Variants in WDTC1 observed in about 807,000 individuals in gnomAD.
The protein encoded by WDTC1 is WD and tetratricopeptide repeats protein 1.
Under a neutral mutation model 76.0 loss-of-function variants are expected in WDTC1, and 12 were observed. That is an observed-to-expected ratio of 0.16 (90% CI 0.10 to 0.26). WDTC1 has a LOEUF of 0.26. Among genes scored for constraint, WDTC1 ranks in the 10% least tolerant of loss-of-function variants. The pLI is 1.00. For missense variants in WDTC1, 511 were observed against 908.8 expected (o/e 0.56, Z 5.63); for synonymous variants, 326 against 350.8 (o/e 0.93, Z 0.79).
At chr1:27,284,828 T>C (rs1489045687) in intron 5 of WDTC1, among the ~76,000 whole-genome samples, 4 of 151,322 alleles carry the variant, frequency 2.6e-5, no homozygotes, top group Non-Finnish European at 2.9e-5. Context: ...ACACTGCAGA[T>C]GTATATGTAT....
At chr1:27,242,182 G>A (rs1016257179) in intron 1 of WDTC1, among the ~76,000 whole-genome samples, 56 of 152,158 alleles carry the variant, frequency 3.7e-4, no homozygotes, top group Admixed American at 2.2e-3. Context: ...ATGAGCCACC[G>A]TGCCTGGCCA....
intron 11 of WDTC1, among the ~76,000 whole-genome samples, 166 bp from the exon 12 acceptor site, chr1:27,297,772 G>A (rs1039687057): frequency 6.6e-5 from 10 of 152,178 alleles, no homozygotes; most frequent in Admixed American, 3.9e-4. Context: ...CCCTATCACA[G>A]TAATAGGTAA....
At chr1:27,251,918 G>A (rs1341781950) in intron 1 of WDTC1, among the ~76,000 whole-genome samples, 1 of 151,896 alleles carries the variant, frequency 6.6e-6, no homozygotes, top group Non-Finnish European at 1.5e-5. Flanking sequence ...GCATGGTGGG[G>A]GCATCTGTAA....
intron 3 of WDTC1, among the ~76,000 whole-genome samples, chr1:27,267,184 T>C (rs1037561448): frequency 2.0e-5 from 3 of 152,176 alleles, no homozygotes; most frequent in Admixed American, 6.6e-5. Flanking sequence ...TTCCTGTATG[T>C]TGATAGAATT....
intron 1 of WDTC1, among the ~76,000 whole-genome samples, chr1:27,257,620 A>G (rs770608943): frequency 1.4e-4 from 22 of 151,924 alleles, no homozygotes; most frequent in Admixed American, 3.3e-4. Flanking sequence ...ATGGCCAAAG[A>G]CTCCTGCAAA....
chr1:27,297,247 C>A, intron 11 of WDTC1, 91 bp downstream of exon 11: 3 of 1,164,184 alleles, frequency 2.6e-6, no homozygotes, highest in South Asian at 1.4e-5. Flanking sequence ...TTCCTCCTGA[C>A]CCACACCCAC....
Position 27,306,094 on chromosome 1 carries a change from G to A in WDTC1, c.1837-92G>A. The A allele has an allele frequency of 7.1e-7, 1 of 1,409,166 alleles. No individual in the cohort carries two copies. The highest frequency in any genetic ancestry group is 9.9e-7 in the Non-Finnish European group (1 of 1,014,002). The allele number at this position is 1,409,166 out of a possible 1,614,324, so 87.3% of individuals were successfully genotyped here. On this transcript the variant is annotated intron_variant, in intron 15 of 15. Coordinates refer to ENST00000319394, the MANE Select transcript of WDTC1 (RefSeq NM_001276252.2). The surrounding 1 kb of genome is among the most constrained non-coding windows in gnomAD (Gnocchi z 5.0). The stretch of plus-strand genomic sequence containing the variant: ...TGTACCTCCCCCTATAGATAGTTTA[G>A]TCTGTGTATTTCCCTCCCCCTCCCC...
At chr1:27,291,738 A>G (rs550936119) in intron 6 of WDTC1, among the ~76,000 whole-genome samples, 1 of 152,274 alleles carries the variant, frequency 6.6e-6, no homozygotes, top group Admixed American at 6.5e-5. Context: ...AAGAAACTAG[A>G]TTAGGTAGGA....
At chr1:27,293,365 G>A (rs1356773712) in intron 7 of WDTC1, among the ~76,000 whole-genome samples, 3 of 149,566 alleles carry the variant, frequency 2.0e-5, no homozygotes, top group Non-Finnish European at 4.4e-5. Context: ...CTGGGAGGCG[G>A]AGCTTGCAGT....
At chr1:27,275,177 C>G (rs1055970715) in intron 3 of WDTC1, among the ~76,000 whole-genome samples, 2 of 152,092 alleles carry the variant, frequency 1.3e-5, no homozygotes, top group East Asian at 1.9e-4. Context: ...GGCCTGCTTG[C>G]TTTTTCCATT....
chr1:27,276,687 C>A lies in WDTC1; in HGVS notation c.133-5552C>A, dbSNP rs561126894. On this transcript the variant is annotated intron_variant, in intron 3 of 15. Transcript: ENST00000319394. ...CAGCCTGGGTGACAGAGCAAGACTT[C>A]GTCTCGAAAAAAAAAAAGAAAAGAA... is the stretch of plus-strand genomic sequence containing the variant. 2.0e-5 allele frequency among the ~76,000 whole-genome samples: 3 copies of A among 147,586 alleles called. No homozygotes were observed. In the Admixed American group the frequency reaches 2.0e-4, roughly 10 times the overall value.
chr1:27,265,924 G>A (rs2012649537), intron 3 of WDTC1, among the ~76,000 whole-genome samples: 1 of 151,958 alleles, frequency 6.6e-6, no homozygotes, highest in African/African-American at 2.4e-5. Flanking sequence ...TCTAGGCCTG[G>A]GCAACAAGCA....
intron 7 of WDTC1, 43 bp from the exon 8 acceptor site, chr1:27,293,979 G>T: frequency 6.3e-7 from 1 of 1,583,690 alleles, no homozygotes; most frequent in East Asian, 2.2e-5. Flanking sequence ...CTAGCCAGGG[G>T]CAGTGCTGTA....
At chr1:27,259,887 A>C (rs2012419816) in intron 1 of WDTC1, among the ~76,000 whole-genome samples, 1 of 151,664 alleles carries the variant, frequency 6.6e-6, no homozygotes, top group African/African-American at 2.4e-5. Context: ...AAAAGAAAAA[A>C]TTAGCTGGGA....
chr1:27,300,762 C>G (rs528333204), intron 12 of WDTC1, among the ~76,000 whole-genome samples: 10 of 152,308 alleles, frequency 6.6e-5, no homozygotes, highest in Admixed American at 3.3e-4. Flanking sequence ...CCCAGCCTGA[C>G]ACTTCTGGCT....
At chr1:27,237,764 G>A (rs943303020) in intron 1 of WDTC1, among the ~76,000 whole-genome samples, 7 of 151,678 alleles carry the variant, frequency 4.6e-5, no homozygotes, top group Non-Finnish European at 8.8e-5. Context: ...TTCCTACTAA[G>A]GCAGGAAAAT....
Position 27,260,984 on chromosome 1 carries a change from G to A in WDTC1, c.-71G>A. On this transcript the variant is annotated 5_prime_UTR_variant, in exon 2 of 16. It introduces an in-frame stop codon into an upstream open reading frame of the 5' UTR. Transcript: ENST00000319394. ...ATTAAATGTGTATTTTGTGGACCTG[G>A]GCTTGGCTGGAATGCTCAGGGGTCC... The A allele has an allele frequency of 6.5e-7, 1 of 1,547,886 alleles. No homozygotes were observed.
chr1:27,295,646 G>A (rs543015089), intron 9 of WDTC1, among the ~76,000 whole-genome samples: 1 of 151,896 alleles, frequency 6.6e-6, no homozygotes, highest in Non-Finnish European at 1.5e-5. Flanking sequence ...GTAGAGATGG[G>A]GTTTCACGAT....
chr1:27,234,696 C>A lies in WDTC1; in HGVS notation c.-355C>A. On this transcript the variant is annotated 5_prime_UTR_variant, in exon 1 of 16. Coordinates refer to ENST00000319394, the MANE Select transcript of WDTC1 (RefSeq NM_001276252.2). ...CAGAGGAGGAGGAGGGAGGGGAGTG[C>A]GTGTGTGAGAGCGCGCGAGGGAGTG... 2.5e-6 allele frequency: 1 copy of A among 397,616 alleles called. No individual in the cohort carries two copies. Among genetic ancestry groups the A allele is most frequent in the Non-Finnish European group, 4.4e-6 (1 of 225,358 alleles). 24.6% of individuals were successfully genotyped at this position (397,616 alleles called of 1,614,324 possible).
Sources: gnomAD v4.1 joint callset for allele counts (sites outside exome capture counted in the v4.1 genomes callset) on GRCh38, gnomAD v4.1.1 for gene constraint, Gnocchi (gnomAD v3.1) non-coding constraint, MANE v1.5 for transcripts, NCBI Gene and HGNC (gene_info 2026-07-23, HGNC 2026-07-21) for gene names.